The following PTPRG variants were observed in gnomAD, a reference collection of about 807,000 sequenced individuals.
PTPRG encodes receptor-type tyrosine-protein phosphatase gamma.
A neutral mutation model predicts 165.3 loss-of-function variants in PTPRG; 102 were observed. The ratio of observed to expected loss-of-function variants is 0.62; its 90% CI spans 0.53 to 0.73. The LOEUF (loss-of-function observed/expected upper bound fraction) is 0.73. Ranked by LOEUF, PTPRG falls within the 30% of genes least tolerant of loss-of-function variation. The pLI is 0.00. For missense variants in PTPRG, 1,866 were observed against 1,861.4 expected, an observed-to-expected ratio of 1.00 and a Z score of -0.05; for synonymous variants, 675 against 669.5, an observed-to-expected ratio of 1.01 and a Z score of -0.13.
chr3:61,641,378 C>T (rs1007357894), intron 1 of PTPRG, among the ~76,000 whole-genome samples: 2 of 152,152 alleles, frequency 1.3e-5, no homozygotes, highest in African/African-American at 4.8e-5. Flanking sequence ...GCAAGACGCC[C>T]AGCACATGGT....
chr3:62,114,384 A>G (rs1000393832), intron 5 of PTPRG, among the ~76,000 whole-genome samples: 7 of 152,152 alleles, frequency 4.6e-5, no homozygotes, highest in African/African-American at 1.7e-4. Flanking sequence ...GCTGTTGTTC[A>G]TGTAATTCTC....
chr3:61,709,237 A>C (rs2031426537), intron 1 of PTPRG, among the ~76,000 whole-genome samples: 1 of 152,240 alleles, frequency 6.6e-6, no homozygotes, highest in Non-Finnish European at 1.5e-5. Context: ...AGCCTGACCC[A>C]AAACTCTTGG....
chr3:62,054,726 T>A (rs994833379), intron 4 of PTPRG, among the ~76,000 whole-genome samples: 12 of 152,232 alleles, frequency 7.9e-5, no homozygotes, highest in African/African-American at 2.9e-4. Context: ...CTTTTTTGAG[T>A]TATATTTTGC....
intron 5 of PTPRG, among the ~76,000 whole-genome samples, chr3:62,131,488 G>A (rs968425984): frequency 6.6e-6 from 1 of 152,052 alleles, no homozygotes; most frequent in African/African-American, 2.4e-5. Flanking sequence ...TAATTCTAGG[G>A]GTGGCTCTTG....
At chr3:61,947,036 G>T (rs551867466) in intron 2 of PTPRG, among the ~76,000 whole-genome samples, 3 of 152,282 alleles carry the variant, frequency 2.0e-5, no homozygotes, top group South Asian at 4.1e-4. Context: ...TTCCAGCAGC[G>T]ATGTAATCCT....
intron 1 of PTPRG, among the ~76,000 whole-genome samples, chr3:61,575,598 C>CTTTTTTTTTTTTTTTTTTT (rs34363041): frequency 8.5e-6 from 1 of 117,304 alleles, no homozygotes; most frequent in Non-Finnish European, 1.7e-5. Context: ...GCACACAGAA[C>CTTTTTTTTTTTTTTTTTTT]TTTTTTTTTT....
chr3:61,623,550 C>G (rs1050092291), intron 1 of PTPRG, among the ~76,000 whole-genome samples: 1 of 152,110 alleles, frequency 6.6e-6, no homozygotes, highest in East Asian at 1.9e-4. Flanking sequence ...ATGACTTGTT[C>G]AGGAGGTAGG....
intron 2 of PTPRG, among the ~76,000 whole-genome samples, chr3:61,860,915 T>C (rs2037250083): frequency 6.6e-6 from 1 of 152,128 alleles, no homozygotes; most frequent in Non-Finnish European, 1.5e-5. Context: ...AGATTCTGAA[T>C]AAGTCCAGCA....
chr3:62,128,816 C>A (rs1157135895), intron 5 of PTPRG, among the ~76,000 whole-genome samples: 4 of 149,778 alleles, frequency 2.7e-5, no homozygotes, highest in Non-Finnish European at 4.4e-5. Context: ...AATTGCTTAG[C>A]TTATGCCCAT....
Position 61,663,777 on chromosome 3 carries a change from G to A in PTPRG, c.86-85101G>A, listed in dbSNP as rs115187991. ...CAGGCATTAGAGCCTCATAAGGAGC[G>A]GGCAACCTAGATCCCTCACGTGCAC... On this transcript the variant is annotated intron_variant, in intron 1 of 29. Transcript: ENST00000474889. 5.9e-3 allele frequency among the ~76,000 whole-genome samples: 903 copies of A among 152,082 alleles called. 10 individuals carry two copies. Among genetic ancestry groups the A allele is most frequent in the African/African-American group, 0.018 (767 of 41,464 alleles).
intron 2 of PTPRG, among the ~76,000 whole-genome samples, chr3:61,823,438 C>T (rs750189033): frequency 5.3e-5 from 8 of 152,226 alleles, no homozygotes; most frequent in South Asian, 4.1e-4. Context: ...TCCACCGCCT[C>T]GGCCTCCCAA....
intron 5 of PTPRG, chr3:62,124,742 C>CT (rs1388365126): frequency 3.9e-6 from 2 of 506,448 alleles, no homozygotes; most frequent in Non-Finnish European, 7.1e-6. Context: ...TTTTAAAATT[C>CT]TTTTCTAGAG....
At chr3:61,999,448 G>C (rs1298368243) in intron 3 of PTPRG, among the ~76,000 whole-genome samples, 1 of 152,122 alleles carries the variant, frequency 6.6e-6, no homozygotes, top group Non-Finnish European at 1.5e-5. Context: ...CATTACATGG[G>C]GGATTGGGGT....
Position 61,754,037 on chromosome 3 carries a change from A to G in PTPRG, c.190+5055A>G, listed in dbSNP as rs533987860. 7.9e-5 allele frequency among the ~76,000 whole-genome samples: 12 copies of G among 152,182 alleles called. No homozygotes were observed. The South Asian group carries it at 1.7e-3, about 21-fold the overall frequency. ...ATTTTTCACAATTTTAATAATCTCTATCTCATTTTCCCCTGTGTAGAAATA... is the reference window on the plus strand; with the variant it reads ...ATTTTTCACAATTTTAATAATCTCTGTCTCATTTTCCCCTGTGTAGAAATA... On this transcript the variant is annotated intron_variant, in intron 2 of 29. Transcript: ENST00000474889.
chr3:62,107,048 G>A (rs1394696045), intron 5 of PTPRG, among the ~76,000 whole-genome samples: 1 of 152,146 alleles, frequency 6.6e-6, no homozygotes, highest in Non-Finnish European at 1.5e-5. Context: ...TTTGAACCAG[G>A]ATCTCTCTCA....
At chr3:61,902,294 C>T (rs1280871288) in intron 2 of PTPRG, among the ~76,000 whole-genome samples, 1 of 152,148 alleles carries the variant, frequency 6.6e-6, no homozygotes, top group African/African-American at 2.4e-5. Flanking sequence ...GGAGAACATG[C>T]TGAGAGCTAC....
intron 4 of PTPRG, among the ~76,000 whole-genome samples, chr3:62,015,848 G>C (rs147628301): frequency 6.6e-6 from 1 of 152,122 alleles, no homozygotes; most frequent in African/African-American, 2.4e-5. Flanking sequence ...TCATGTTGAT[G>C]TTATCTCAGG....
chr3:62,182,858 T>C (rs1705714809), intron 8 of PTPRG, among the ~76,000 whole-genome samples: 1 of 152,188 alleles, frequency 6.6e-6, no homozygotes, highest in African/African-American at 2.4e-5. Context: ...GGTTTCACCA[T>C]GTTGGCCAGG....
chr3:62,020,130 T>G (rs759970747), intron 4 of PTPRG, among the ~76,000 whole-genome samples: 2 of 152,102 alleles, frequency 1.3e-5, no homozygotes, highest in Non-Finnish European at 1.5e-5. Context: ...TGGCAGAGGG[T>G]AGGGGGAGAT....
Sources: gnomAD v4.1 joint callset for allele counts (sites outside exome capture counted in the v4.1 genomes callset) on GRCh38, gnomAD v4.1.1 for gene constraint, MANE v1.5 for transcripts, NCBI Gene and HGNC (gene_info 2026-07-23, HGNC 2026-07-21) for gene names.